Variants in RNF6 observed in about 807,000 individuals in gnomAD.
RNF6 encodes the protein E3 ubiquitin-protein ligase RNF6.
A neutral mutation model predicts 50.1 loss-of-function variants in RNF6; 21 were observed. The observed-to-expected ratio is 0.42, with a 90% confidence interval of 0.30 to 0.60. The LOEUF (loss-of-function observed/expected upper bound fraction) is 0.60, where lower values mean the gene tolerates loss of function less well. Among genes scored for constraint, RNF6 ranks in the 20% least tolerant of loss-of-function variants. The pLI is 0.20. For missense variants in RNF6, 698 were observed against 838.2 expected, an observed-to-expected ratio of 0.83 and a Z score of 2.07; for synonymous variants, 255 against 291.8, an observed-to-expected ratio of 0.87 and a Z score of 1.29.
intron 5 of RNF6, among the ~76,000 whole-genome samples, chr13:26,137,740 T>C (rs1255879963): frequency 1.3e-5 from 2 of 151,032 alleles, no homozygotes; most frequent in South Asian, 4.2e-4. Context: ...CAAGAGAAGA[T>C]TTTAGCAGAC....
At chr13:26,198,447 T>C (rs1050734496) in intron 5 of RNF6, among the ~76,000 whole-genome samples, 1 of 151,792 alleles carries the variant, frequency 6.6e-6, no homozygotes, top group Non-Finnish European at 1.5e-5. Context: ...CCCAGAAACA[T>C]CCAGAATAAT....
At chr13:26,204,218 G>A (rs758935945) in intron 5 of RNF6, among the ~76,000 whole-genome samples, 1 of 152,006 alleles carries the variant, frequency 6.6e-6, no homozygotes, top group Non-Finnish European at 1.5e-5. Context: ...AAATAAGGCC[G>A]GGCGCAATGG....
intron 5 of RNF6, among the ~76,000 whole-genome samples, chr13:26,160,788 C>T (rs1162258835): frequency 6.6e-6 from 1 of 152,052 alleles, no homozygotes; most frequent in Non-Finnish European, 1.5e-5. Context: ...GAGCCGATTC[C>T]TTCTGAAGCT....
chr13:26,145,700 C>T (rs1871197169), intron 5 of RNF6, among the ~76,000 whole-genome samples: 1 of 152,208 alleles, frequency 6.6e-6, no homozygotes. Context: ...ATTATCTAGT[C>T]TCAGGTATGT....
chr13:26,211,635 GT>G (rs1160859227), downstream of RNF6, among the ~76,000 whole-genome samples: 1 of 152,128 alleles, frequency 6.6e-6, no homozygotes, highest in African/African-American at 2.4e-5. Context: ...GCGCATGTCT[GT>G]AATCCCTGCT....
At chr13:26,173,822 A>G (rs992504827) in intron 5 of RNF6, among the ~76,000 whole-genome samples, 18 of 152,052 alleles carry the variant, frequency 1.2e-4, no homozygotes, top group Non-Finnish European at 2.2e-4. Context: ...GTGGTGGTGT[A>G]TGCCTGTAAT....
In RNF6 at chr13:26,187,072, C is replaced by T. The variant is rs907359557; in HGVS notation, n.768+28402G>A. Among the ~76,000 whole-genome samples the T allele has an allele frequency of 3.0e-4, 46 of 151,912 alleles. 1 individual carries two copies. Among genetic ancestry groups the T allele is most frequent in the Admixed American group, 1.3e-4 (2 of 15,284 alleles). On this transcript the variant is annotated intron_variant and non_coding_transcript_variant, in intron 5 of 5. Coordinates refer to the RNF6 transcript ENST00000468480. ...GATTACAGGCATGAGCCACCGCGCCCGGCAAGCGTCAGGGACCTTTCTAGA... is the reference window on the plus strand; with the variant it reads ...GATTACAGGCATGAGCCACCGCGCCTGGCAAGCGTCAGGGACCTTTCTAGA...
intron 5 of RNF6, among the ~76,000 whole-genome samples, chr13:26,202,266 G>A (rs1420007458): frequency 6.6e-6 from 1 of 152,102 alleles, no homozygotes; most frequent in Non-Finnish European, 1.5e-5. Context: ...CAATGAGCAT[G>A]GAATCTCTTC....
intron 5 of RNF6, among the ~76,000 whole-genome samples, chr13:26,205,162 T>C (rs756693018): frequency 2.0e-5 from 3 of 152,228 alleles, no homozygotes; most frequent in Non-Finnish European, 4.4e-5. Flanking sequence ...CTTCAGTTAT[T>C]AGCCTTATAA....
intron 5 of RNF6, among the ~76,000 whole-genome samples, chr13:26,207,223 G>A (rs1344446794): frequency 7.0e-6 from 1 of 143,290 alleles, no homozygotes; most frequent in Non-Finnish European, 1.6e-5. Context: ...AGAGAGAACA[G>A]CATGGGCAAA....
chr13:26,145,236 A>C (rs975057147), intron 5 of RNF6, among the ~76,000 whole-genome samples: 44 of 152,230 alleles, frequency 2.9e-4, no homozygotes, highest in Non-Finnish European at 1.0e-4. Context: ...TGGAGTCACC[A>C]CCTAGTTAAG....
intron 5 of RNF6, among the ~76,000 whole-genome samples, chr13:26,176,378 C>T (rs1872957225): frequency 6.6e-6 from 1 of 152,170 alleles, no homozygotes; most frequent in Non-Finnish European, 1.5e-5. Flanking sequence ...TATCCTTGAA[C>T]TCCTGAGCTC....
chr13:26,192,764 G>GATTTT (rs1868513035), intron 5 of RNF6, among the ~76,000 whole-genome samples: 2 of 152,170 alleles, frequency 1.3e-5, no homozygotes, highest in South Asian at 4.1e-4. Context: ...CCAAAAACAG[G>GATTTT]TGAGCTCTGA....
At chr13:26,152,150 GA>G (rs1400471214) in intron 5 of RNF6, among the ~76,000 whole-genome samples, 5 of 152,126 alleles carry the variant, frequency 3.3e-5, no homozygotes, top group Admixed American at 2.6e-4. Context: ...ATATACTAGA[GA>G]AAAATTTAAT....
chr13:26,155,259 G>A (rs1871854101), intron 5 of RNF6, among the ~76,000 whole-genome samples: 1 of 152,094 alleles, frequency 6.6e-6, no homozygotes, highest in African/African-American at 2.4e-5. Flanking sequence ...GCAAAGCAAA[G>A]CTCTGTCTCT....
At chr13:26,193,797 A>G (rs1309932801) in intron 5 of RNF6, among the ~76,000 whole-genome samples, 1 of 152,246 alleles carries the variant, frequency 6.6e-6, no homozygotes, top group Non-Finnish European at 1.5e-5. Flanking sequence ...AGAATGGTTG[A>G]TTGAACAAAT....
chr13:26,183,266 C>T lies in RNF6; in HGVS notation n.768+32208G>A, dbSNP rs117802215. Among the ~76,000 whole-genome samples, 61 of 152,220 alleles carry T rather than the reference C, an allele frequency of 4.0e-4. 1 individual carries two copies. The East Asian group carries it at 8.1e-3, about 20-fold the overall frequency. On this transcript the variant is annotated intron_variant and non_coding_transcript_variant, in intron 5 of 5. Coordinates refer to the RNF6 transcript ENST00000468480. ...GGAAAAACTTGTAAAACTTGACACA[C>T]GAGAACAGATTCACTAATTGTTTTC... is the stretch of plus-strand genomic sequence containing the variant.
intron 5 of RNF6, among the ~76,000 whole-genome samples, chr13:26,191,822 G>T (rs906975122): frequency 2.0e-5 from 3 of 152,174 alleles, no homozygotes; most frequent in Non-Finnish European, 4.4e-5. Context: ...AGGAATAAAA[G>T]CAGGGAAGAG....
rs1478129913 is a variant in RNF6, at chr13:26,213,027, A to C, written c.*797T>G. 1 of 152,618 alleles carries C rather than the reference A, an allele frequency of 6.6e-6. No homozygotes were observed. Among genetic ancestry groups the C allele is most frequent in the Non-Finnish European group, 1.5e-5 (1 of 68,012 alleles). The allele number at this position is 152,618 out of a possible 1,614,324, so 9.5% of individuals were successfully genotyped here. A position where few individuals can be genotyped will look rare whatever the true frequency, so the allele number is the denominator to read the frequency against. On this transcript the variant is annotated 3_prime_UTR_variant, in exon 5 of 5. Transcript: ENST00000381588. ...TGTTTGCACTTTCAAAAAAGTTACAAAAAGGCTGAACACAAGTTAAATAAC... is the reference window on the plus strand; with the variant it reads ...TGTTTGCACTTTCAAAAAAGTTACACAAAGGCTGAACACAAGTTAAATAAC...
Sources: allele counts gnomAD v4.1 joint callset (sites outside exome capture counted in the v4.1 genomes callset), GRCh38; gene constraint gnomAD v4.1.1; transcripts MANE v1.5; gene names NCBI Gene and HGNC (gene_info 2026-07-23, HGNC 2026-07-21).